COG5: variants seen among roughly 807,000 people sequenced by gnomAD.
COG5 encodes conserved oligomeric Golgi complex subunit 5.
COG5 carries 86 observed loss-of-function variants against 110.4 expected under a neutral mutation model. The ratio of observed to expected loss-of-function variants is 0.78; its 90% CI spans 0.65 to 0.93. The LOEUF is 0.93. Ranked by LOEUF, COG5 falls within the 40% of genes least tolerant of loss-of-function variation. The pLI, the probability that COG5 is intolerant of heterozygous loss-of-function variation, is 0.00. For missense variants in COG5, 1,077 were observed against 987.0 expected (o/e 1.09, Z -1.22); for synonymous variants, 360 against 334.6 (o/e 1.08, Z -0.83).
chr7:107,366,325 C>T (rs757847102), intron 8 of COG5, among the ~76,000 whole-genome samples: 29 of 152,006 alleles, frequency 1.9e-4, no homozygotes, highest in Non-Finnish European at 3.4e-4. Context: ...ATCAGACTTC[C>T]ACATCCATGA....
chr7:107,313,928 A>G (rs114222769), intron 11 of COG5, among the ~76,000 whole-genome samples: 2,245 of 152,266 alleles, frequency 0.015, 53 homozygotes, highest in African/African-American at 0.052. Flanking sequence ...TTTTGAGTTA[A>G]TTTCCCAAAA....
chr7:107,328,936 T>C (rs1414346078), intron 10 of COG5, among the ~76,000 whole-genome samples: 1 of 152,154 alleles, frequency 6.6e-6, no homozygotes, highest in Non-Finnish European at 1.5e-5. Flanking sequence ...TTCTCCTGCC[T>C]CAGCTTCCTG....
chr7:107,505,381 C>G (rs1490292937), intron 6 of COG5, among the ~76,000 whole-genome samples: 1 of 152,146 alleles, frequency 6.6e-6, no homozygotes, highest in Admixed American at 6.5e-5. Context: ...GTCAGGCTGG[C>G]AGAAAATTCA....
chr7:107,292,387 G>C (rs1017867913), intron 12 of COG5, among the ~76,000 whole-genome samples: 1 of 152,170 alleles, frequency 6.6e-6, no homozygotes, highest in Non-Finnish European at 1.5e-5. Context: ...CTGGACCTGA[G>C]GGTGGAGAAA....
intron 19 of COG5, among the ~76,000 whole-genome samples, chr7:107,213,925 G>C (rs1261000148): frequency 6.6e-6 from 1 of 152,122 alleles, no homozygotes; most frequent in African/African-American, 2.4e-5. Context: ...ACCCTAAAGA[G>C]ACGGTCATCT....
At chr7:107,486,401 A>G (rs1797659639) in intron 6 of COG5, among the ~76,000 whole-genome samples, 2 of 152,234 alleles carry the variant, frequency 1.3e-5, no homozygotes, top group South Asian at 2.1e-4. Context: ...CGAGACTTAA[A>G]ATACAACATA....
At chr7:107,490,309 C>A (rs539330430) in intron 6 of COG5, among the ~76,000 whole-genome samples, 1 of 152,264 alleles carries the variant, frequency 6.6e-6, no homozygotes, top group East Asian at 1.9e-4. Flanking sequence ...GGATTACAGG[C>A]ACATGCCACG....
intron 5 of COG5, among the ~76,000 whole-genome samples, chr7:107,546,425 T>C (rs1802450456): frequency 6.9e-6 from 1 of 144,646 alleles, no homozygotes. Context: ...GAGTTGTGTT[T>C]TGGTTTTTTG....
intron 14 of COG5, among the ~76,000 whole-genome samples, chr7:107,278,302 G>A (rs1804869044): frequency 6.6e-6 from 1 of 151,258 alleles, no homozygotes; most frequent in Admixed American, 6.6e-5. Flanking sequence ...TTTAAGTTCT[G>A]AGATACATGT....
chr7:107,234,615 T>C (rs924112522), intron 18 of COG5, among the ~76,000 whole-genome samples: 1 of 152,098 alleles, frequency 6.6e-6, no homozygotes, highest in Non-Finnish European at 1.5e-5. Context: ...TAATTGGACT[T>C]GAAGTGCTGC....
chr7:107,313,785 T>A (rs1488531996), intron 11 of COG5, among the ~76,000 whole-genome samples: 5 of 152,162 alleles, frequency 3.3e-5, no homozygotes, highest in Non-Finnish European at 7.4e-5. Flanking sequence ...ATCTTGATAA[T>A]CTCTCTACCT....
At chr7:107,455,633 A>G (rs182291984) in intron 6 of COG5, among the ~76,000 whole-genome samples, 1 of 152,328 alleles carries the variant, frequency 6.6e-6, no homozygotes, top group Admixed American at 6.5e-5. Context: ...AACTGATGGT[A>G]TATGTAATAA....
chr7:107,220,555 A>C (rs1311666016), intron 19 of COG5, among the ~76,000 whole-genome samples: 1 of 152,184 alleles, frequency 6.6e-6, no homozygotes, highest in Non-Finnish European at 1.5e-5. Context: ...CCCAACAGAA[A>C]AAGCTAAAAT....
chr7:107,475,194 G>A, intron 6 of COG5: 1 of 1,611,858 alleles, frequency 6.2e-7, no homozygotes, highest in East Asian at 2.2e-5. Flanking sequence ...AAAAGGTCTT[G>A]AAAAGTAAAA....
At chr7:107,525,376 G>T (rs1026516672) in intron 6 of COG5, among the ~76,000 whole-genome samples, 11 of 151,746 alleles carry the variant, frequency 7.2e-5, no homozygotes, top group African/African-American at 2.4e-4. Flanking sequence ...TCCATAATAA[G>T]CCTTGGAATA....
intron 6 of COG5, among the ~76,000 whole-genome samples, chr7:107,431,216 C>G (rs745554379): frequency 3.9e-5 from 6 of 152,110 alleles, no homozygotes; most frequent in Non-Finnish European, 7.4e-5. Context: ...AACTAATACA[C>G]CCAATACATC....
chr7:107,324,428 T>C lies in COG5; in HGVS notation c.1108+12A>G. ...CTTTGAAATTAATTTTCAAAATAAG[T>C]AGTAAACTTACAGTTTGTTGCCATA... On this transcript the variant is annotated intron_variant, in intron 11 of 21. Coordinates refer to ENST00000297135, the MANE Select transcript of COG5 (RefSeq NM_006348.5). 3 of 1,467,370 alleles carry C rather than the reference T, an allele frequency of 2.0e-6. No homozygotes were observed. The highest frequency in any genetic ancestry group is 9.5e-7 in the Non-Finnish European group (1 of 1,053,192). 90.9% of individuals were successfully genotyped at this position (1,467,370 alleles called of 1,614,324 possible).
chr7:107,451,630 C>G (rs1010448226), intron 6 of COG5, among the ~76,000 whole-genome samples: 1 of 152,166 alleles, frequency 6.6e-6, no homozygotes, highest in Non-Finnish European at 1.5e-5. Flanking sequence ...AAAACCGACA[C>G]TTCTTCTTCC....
At chr7:107,243,671 C>A (rs544088903) in intron 17 of COG5, among the ~76,000 whole-genome samples, 1 of 152,182 alleles carries the variant, frequency 6.6e-6, no homozygotes, top group Non-Finnish European at 1.5e-5. Flanking sequence ...CCAAATGCAA[C>A]TGATAGACCT....
Sources: allele counts gnomAD v4.1 joint callset (sites outside exome capture counted in the v4.1 genomes callset), GRCh38; gene constraint gnomAD v4.1.1; transcripts MANE v1.5; gene names NCBI Gene and HGNC (gene_info 2026-07-23, HGNC 2026-07-21).